The following CDH17 variants were observed in gnomAD, a reference collection of about 807,000 sequenced individuals.
CDH17 encodes the protein cadherin-17.
In CDH17, 67 loss-of-function variants were observed where a neutral mutation model predicts 86.3. That is an observed-to-expected ratio of 0.78 (90% CI 0.64 to 0.95). The LOEUF is 0.95. Among genes scored for constraint, CDH17 ranks in the 40% least tolerant of loss-of-function variants. The pLI is 0.00. For synonymous variants in CDH17, 367 were observed against 366.4 expected (o/e 1.00, Z -0.02); for missense variants, 993 against 1,017.6 (o/e 0.98, Z 0.33).
At chr8:94,150,447 G>A (rs545766612) in intron 13 of CDH17, among the ~76,000 whole-genome samples, 1 of 152,236 alleles carries the variant, frequency 6.6e-6, no homozygotes, top group South Asian at 2.1e-4. Context: ...AAATCCATTG[G>A]GTGCTAACAG....
At chr8:94,198,755 T>C (rs1393540586) in intron 1 of CDH17, among the ~76,000 whole-genome samples, 1 of 152,192 alleles carries the variant, frequency 6.6e-6, no homozygotes. Context: ...GCACAAGGCC[T>C]GGCCCAGAGA....
intron 2 of CDH17, among the ~76,000 whole-genome samples, chr8:94,194,157 T>C (rs374327472): frequency 2.0e-5 from 3 of 152,082 alleles, no homozygotes; most frequent in African/African-American, 7.2e-5. Flanking sequence ...ACCCAACAAA[T>C]GGTTAAAGAC....
At chr8:94,128,823 G>A (rs1044489807) in intron 17 of CDH17, among the ~76,000 whole-genome samples, 29 of 152,064 alleles carry the variant, frequency 1.9e-4, no homozygotes, top group African/African-American at 6.5e-4. Context: ...ACCAACTATC[G>A]CATTTCCTTG....
chr8:94,196,405 T>C (rs1177641543), intron 1 of CDH17, among the ~76,000 whole-genome samples: 1 of 151,956 alleles, frequency 6.6e-6, no homozygotes, highest in African/African-American at 2.4e-5. Context: ...TGCAGAGAGG[T>C]CTTTAAAAAC....
At chr8:94,151,078 A>G (rs1812846588) in intron 13 of CDH17, among the ~76,000 whole-genome samples, 1 of 152,258 alleles carries the variant, frequency 6.6e-6, no homozygotes, top group Non-Finnish European at 1.5e-5. Flanking sequence ...TGCCATTCAT[A>G]GCCACACGCG....
chr8:94,215,690 C>A (rs749803449), intron 1 of CDH17, among the ~76,000 whole-genome samples: 8 of 152,122 alleles, frequency 5.3e-5, no homozygotes, highest in Non-Finnish European at 1.0e-4. Context: ...AAAGTATTCC[C>A]TGCAACTAAT....
chr8:94,152,381 T>C (rs1812872614), intron 12 of CDH17, among the ~76,000 whole-genome samples: 2 of 152,160 alleles, frequency 1.3e-5, no homozygotes, highest in Non-Finnish European at 2.9e-5. Flanking sequence ...GCAATGATCT[T>C]TTTTTATTAT....
intron 3 of CDH17, among the ~76,000 whole-genome samples, chr8:94,179,309 T>A (rs1384215816): frequency 1.3e-5 from 2 of 152,208 alleles, no homozygotes; most frequent in Non-Finnish European, 2.9e-5. Flanking sequence ...ACACACAATT[T>A]TTCCCCTGGG....
intron 3 of CDH17, among the ~76,000 whole-genome samples, chr8:94,186,758 T>C (rs900694108): frequency 9.9e-5 from 15 of 152,254 alleles, no homozygotes; most frequent in Non-Finnish European, 1.9e-4. Context: ...GCTCATGCTC[T>C]GAGTGATCAC....
intron 10 of CDH17, among the ~76,000 whole-genome samples, chr8:94,163,465 C>G (rs996461574): frequency 6.6e-6 from 1 of 152,152 alleles, no homozygotes; most frequent in South Asian, 2.1e-4. Context: ...GGTGTCACGC[C>G]CCCGTTGCCA....
rs55886433 is a variant in CDH17 at position 94,156,870 on chromosome 8, G to A, written c.1551+3101C>T. On this transcript the variant is annotated intron_variant, in intron 12 of 17. Coordinates refer to ENST00000027335, the MANE Select transcript of CDH17 (RefSeq NM_004063.4). ...ATTCTTCAACATCCTTACTAGAAAG[G>A]TGCTACCATTTTACCCATTTTTACA... 8.1e-3 allele frequency among the ~76,000 whole-genome samples: 1,230 copies of A among 152,264 alleles called. 9 individuals carry two copies. Among genetic ancestry groups the A allele is most frequent in the African/African-American group, 0.028 (1,145 of 41,538 alleles).
chr8:94,170,537 T>TA lies in CDH17; in HGVS notation c.925dup (p.Tyr309LeufsTer7), dbSNP rs1813249427. 4 of 1,613,478 alleles carry TA rather than the reference T, an allele frequency of 2.5e-6. No individual in the cohort carries two copies. In the East Asian group the frequency reaches 6.7e-5, roughly 27 times the overall value. ...TCCGTACTCATCCTTTGCAACTGCATAAAAAACATACTACAACAGGAAAGT... is the reference window on the plus strand; with the variant it reads ...TCCGTACTCATCCTTTGCAACTGCATAAAAAAACATACTACAACAGGAAAGT... On this transcript the variant is annotated frameshift_variant, in exon 9 of 18. Transcript: ENST00000027335. LOFTEE classifies it high-confidence loss of function.
chr8:94,131,059 T>A, intron 15 of CDH17, 67 bp from the exon 16 acceptor site: 1 of 842,506 alleles, frequency 1.2e-6, no homozygotes, highest in South Asian at 1.4e-5. Flanking sequence ...ATAAAGCTCA[T>A]TTTGTATCAC....
intron 3 of CDH17, among the ~76,000 whole-genome samples, chr8:94,186,363 TA>T (rs1253426981): frequency 1.3e-5 from 2 of 152,126 alleles, no homozygotes; most frequent in Non-Finnish European, 2.9e-5. Flanking sequence ...TTCAGAAACA[TA>T]AACAACAGAA....
At position 94,177,620 on chromosome 8, in the gene CDH17, C is replaced by T; in HGVS notation, c.252G>A (p.Leu84=). The T allele has an allele frequency of 6.2e-7, 1 of 1,613,622 alleles. No homozygotes were observed. Among genetic ancestry groups the T allele is most frequent in the Non-Finnish European group, 8.5e-7 (1 of 1,179,738 alleles). ...TGTGAGTAGATCTTGTTTCCCTGTC[C>T]AAGGCTCTGTTGTAATACAGAAGTC... ...REGLLYYNRA[L]DRETRSTHNL... Residue 84 remains leucine (L), a synonymous_variant, in exon 4 of 18, where the codon TTG becomes TTA. Transcript: ENST00000027335.
chr8:94,155,019 A>G (rs2514805), intron 12 of CDH17, among the ~76,000 whole-genome samples: 14,833 of 152,098 alleles, frequency 0.098, 811 homozygotes, highest in Middle Eastern at 0.17. Flanking sequence ...CTGTGGGACA[A>G]TTTTTCACGT....
chr8:94,178,905 C>A (rs556990723), intron 3 of CDH17, among the ~76,000 whole-genome samples: 1 of 152,130 alleles, frequency 6.6e-6, no homozygotes, highest in African/African-American at 2.4e-5. Flanking sequence ...ACCTGGACAT[C>A]AGTGAGAAAG....
In CDH17 at chr8:94,128,164, G is replaced by A. The variant is rs1812337128; in HGVS notation, c.*76C>T. ...GTTTAAAAAATTATAATGCACGTTA[G>A]ATGAAAAGTAATAGGATGAGATGGT... On this transcript the variant is annotated 3_prime_UTR_variant, in exon 18 of 18. Coordinates refer to ENST00000027335, the MANE Select transcript of CDH17 (RefSeq NM_004063.4). 1.1e-6 allele frequency: 1 copy of A among 891,160 alleles called. No homozygotes were observed. The allele number at this position is 891,160 out of a possible 1,614,324, so 55.2% of individuals were successfully genotyped here.
intron 1 of CDH17, among the ~76,000 whole-genome samples, chr8:94,199,040 TA>T (rs1463977841): frequency 2.9e-4 from 7 of 23,952 alleles, no homozygotes; most frequent in African/African-American, 1.5e-3. Context: ...TTCTGATTGA[TA>T]TATATATATA....
Sources: gnomAD v4.1 joint callset for allele counts (sites outside exome capture counted in the v4.1 genomes callset) on GRCh38, gnomAD v4.1.1 for gene constraint, MANE v1.5 for transcripts, NCBI Gene and HGNC (gene_info 2026-07-23, HGNC 2026-07-21) for gene names.